The following KASH5 variants were observed in gnomAD, a reference collection of about 807,000 sequenced individuals.
KASH5 encodes protein KASH5.
Under a neutral mutation model 84.2 loss-of-function variants are expected in KASH5, and 72 were observed. The ratio of observed to expected loss-of-function variants is 0.85; its 90% CI spans 0.71 to 1.04. The LOEUF (loss-of-function observed/expected upper bound fraction) is 1.04. Ranked by LOEUF, KASH5 falls within the 50% of genes least tolerant of loss-of-function variation. The pLI is 0.00. For synonymous variants in KASH5, 260 were observed against 279.1 expected (o/e 0.93, Z 0.68); for missense variants, 650 against 701.0 (o/e 0.93, Z 0.82).
In KASH5 at chr19:49,417,208, C is replaced by G; in HGVS notation, c.1489C>G (p.Leu497Val). Residue 497 changes from leucine (L) to valine (V), a missense_variant, in exon 19 of 20, where the codon CTG becomes GTG. Transcript: ENST00000447857. The surrounding 1 kb of genome is among the most constrained non-coding windows in gnomAD (Gnocchi z 5.2). Reference sequence around the variant, plus strand: ...AGCCCTGGTGCCTGTGATGAAAAAGCTGGTCCCAGTCAGGAGGAGGGCCTG... The same window carrying G: ...AGCCCTGGTGCCTGTGATGAAAAAGGTGGTCCCAGTCAGGAGGAGGGCCTG... ...QQALVPVMKKLVPVRRRAWGQ... is the reference protein window; with the variant it reads ...QQALVPVMKKVVPVRRRAWGQ... 6.2e-7 allele frequency: 1 copy of G among 1,613,886 alleles called. No homozygotes were observed. Among genetic ancestry groups the G allele is most frequent in the Non-Finnish European group, 8.5e-7 (1 of 1,179,850 alleles).
rs981684385 is a variant in KASH5 at position 49,409,883 on chromosome 19, C to T, written c.1269+8C>T. ...GCCCCAGCTGGGGGACAGGTGAGCA[C>T]AGGAAAAGCTCTGAAGTCCAGGAGC... On this transcript the variant is annotated splice_region_variant and intron_variant, in intron 15 of 19. Coordinates refer to ENST00000447857, the MANE Select transcript of KASH5 (RefSeq NM_144688.5). 6.2e-7 allele frequency: 1 copy of T among 1,612,958 alleles called. No homozygotes were observed. The highest frequency in any genetic ancestry group is 1.7e-5 in the Admixed American group (1 of 59,970).
intron 5 of KASH5, 100 bp from the exon 6 acceptor site, chr19:49,397,551 G>A (rs1206647678): frequency 8.9e-6 from 9 of 1,016,872 alleles, no homozygotes; most frequent in Non-Finnish European, 1.4e-5. Context: ...CAGAGCACAG[G>A]TGAGGGTGGA....
rs1323772372 is a variant in KASH5 at position 49,406,904 on chromosome 19, G to A, written c.817G>A (p.Glu273Lys). 5 of 1,606,038 alleles carry A rather than the reference G, an allele frequency of 3.1e-6. No homozygotes were observed. In the East Asian group the frequency reaches 6.7e-5, roughly 22 times the overall value. ...CTTCTAGAACGGGAAGCTGCTTGCCGAGCGGGATGGAGTGAAAAAGAGAAG... is the reference window on the plus strand; with the variant it reads ...CTTCTAGAACGGGAAGCTGCTTGCCAAGCGGGATGGAGTGAAAAAGAGAAG... ...LQEENGKLLA[E>K]RDGVKKRSQE... The change falls in exon 10 of 20, where the codon GAG (glutamate) becomes AAG (lysine). Residue 273 changes from glutamate (E) to lysine (K), a missense_variant. Glu to Lys is a moderately conservative substitution (Grantham distance 56). Coordinates refer to ENST00000447857, the MANE Select transcript of KASH5 (RefSeq NM_144688.5).
At position 49,412,865 on chromosome 19, in the gene KASH5, T is replaced by G; in HGVS notation, c.1270-103T>G. 2 of 1,147,210 alleles carry G rather than the reference T, an allele frequency of 1.7e-6. No individual in the cohort carries two copies. Among genetic ancestry groups the G allele is most frequent in the Non-Finnish European group, 2.6e-6 (2 of 779,852 alleles). 71.1% of individuals were successfully genotyped at this position (1,147,210 alleles called of 1,614,324 possible). A position where few individuals can be genotyped will look rare whatever the true frequency, so the allele number is the denominator to read the frequency against. ...GTAGGTTGCAGCCTGGAAGACCTTT[T>G]GTATATGGGGTCTGGGACCGGCGGG... is the stretch of plus-strand genomic sequence containing the variant. On this transcript the variant is annotated intron_variant, in intron 15 of 19. Coordinates refer to ENST00000447857, the MANE Select transcript of KASH5 (RefSeq NM_144688.5). This position sits in a 1 kb window ranked among gnomAD's most constrained non-coding sequence, Gnocchi z 4.6.
chr19:49,403,145 C>T (rs958970985), intron 9 of KASH5, among the ~76,000 whole-genome samples: 2 of 152,168 alleles, frequency 1.3e-5, no homozygotes, highest in African/African-American at 4.8e-5. Context: ...ATCACAAGGT[C>T]AGGAGATCGA....
chr19:49,395,094 GCT>G lies in KASH5; in HGVS notation c.149-9_149-8del, dbSNP rs772498684. On this transcript the variant is annotated splice_polypyrimidine_tract_variant and intron_variant, in intron 3 of 19. Coordinates refer to ENST00000447857, the MANE Select transcript of KASH5 (RefSeq NM_144688.5). This position sits in a 1 kb window ranked among gnomAD's most constrained non-coding sequence, Gnocchi z 4.4. ...CCTGCCCCAGACCCCCTCACTGCATGCTCTGTCACAGGCACTGTGGCTGTGGC... is the reference window on the plus strand; with the variant it reads ...CCTGCCCCAGACCCCCTCACTGCATGCTGTCACAGGCACTGTGGCTGTGGC... 13 of 1,594,528 alleles carry G rather than the reference GCT, an allele frequency of 8.2e-6. No individual in the cohort carries two copies. In the African/African-American group the frequency reaches 1.5e-4, roughly 18 times the overall value.
At chr19:49,402,619 A>C (rs1434505789) in intron 9 of KASH5, among the ~76,000 whole-genome samples, 1 of 152,086 alleles carries the variant, frequency 6.6e-6, no homozygotes, top group Non-Finnish European at 1.5e-5. Context: ...AGGCAGGAGA[A>C]TCACTTGAAC....
chr19:49,404,566 T>G (rs1448547355), intron 9 of KASH5, among the ~76,000 whole-genome samples: 2 of 152,188 alleles, frequency 1.3e-5, no homozygotes, highest in Non-Finnish European at 2.9e-5. Context: ...TGTTACCCGC[T>G]TCTGCATCCA....
chr19:49,406,916 G>C lies in KASH5; in HGVS notation c.829G>C (p.Val277Leu). 2.5e-6 allele frequency: 4 copies of C among 1,605,846 alleles called. No homozygotes were observed. Among genetic ancestry groups the C allele is most frequent in the Non-Finnish European group, 3.4e-6 (4 of 1,176,134 alleles). Residue 277 changes from valine to leucine, a missense_variant, in exon 10 of 20, where the codon GTG becomes CTG. Transcript: ENST00000447857. ...GAAGCTGCTTGCCGAGCGGGATGGA[G>C]TGAAAAAGAGAAGTCAGGAGCTGGC... ...NGKLLAERDG[V>L]KKRSQELAME...
At chr19:49,394,351 C>G in intron 2 of KASH5, 125 bp from the exon 3 acceptor site, 2 of 683,426 alleles carry the variant, frequency 2.9e-6, no homozygotes, top group Admixed American at 2.5e-5. Context: ...CCCACCCGCC[C>G]GAACTCTCAG....
intron 2 of KASH5, among the ~76,000 whole-genome samples, chr19:49,391,361 C>A (rs1973998857): frequency 1.3e-5 from 2 of 152,184 alleles, no homozygotes; most frequent in African/African-American, 4.8e-5. Flanking sequence ...TTTATTCACT[C>A]TGGTATTCCC....
chr19:49,414,546 G>T lies in KASH5; in HGVS notation c.1329-405G>T, dbSNP rs1481899759. ...CAGAAGCCTCAGTTCCCAGCTGGGG[G>T]ATCTGCTGGGGAAGTAGTGGCTGAG... On this transcript the variant is annotated intron_variant, in intron 16 of 19. Coordinates refer to ENST00000447857, the MANE Select transcript of KASH5 (RefSeq NM_144688.5). The surrounding 1 kb of genome is among the most constrained non-coding windows in gnomAD (Gnocchi z 4.5). Among the ~76,000 whole-genome samples, 1 of 152,130 alleles carries T rather than the reference G, an allele frequency of 6.6e-6. No individual in the cohort carries two copies. Among genetic ancestry groups the T allele is most frequent in the Non-Finnish European group, 1.5e-5 (1 of 68,000 alleles).
chr19:49,403,626 G>C (rs1974435748), intron 9 of KASH5, among the ~76,000 whole-genome samples: 1 of 152,228 alleles, frequency 6.6e-6, no homozygotes, highest in Non-Finnish European at 1.5e-5. Context: ...CATCTGCCAA[G>C]ATTTCCACCT....
chr19:49,414,642 A>G lies in KASH5; in HGVS notation c.1329-309A>G, dbSNP rs537757812. 1.0e-3 allele frequency among the ~76,000 whole-genome samples: 159 copies of G among 152,056 alleles called. 1 individual carries two copies. Among genetic ancestry groups the G allele is most frequent in the African/African-American group, 3.2e-3 (131 of 41,414 alleles). On this transcript the variant is annotated intron_variant, in intron 16 of 19. Coordinates refer to ENST00000447857, the MANE Select transcript of KASH5 (RefSeq NM_144688.5). This position sits in a 1 kb window ranked among gnomAD's most constrained non-coding sequence, Gnocchi z 4.5. ...CACAGACCCTTTGGGTAATTTGGTG[A>G]AAATTCCTGTGAAAAATACATATGC...
rs754383549 is a variant in KASH5 at position 49,395,024 on chromosome 19, C to T, written c.149-82C>T. The T allele has an allele frequency of 9.0e-7, 1 of 1,113,852 alleles. No homozygotes were observed. The highest frequency in any genetic ancestry group is 2.6e-5 in the East Asian group (1 of 38,228). 69.0% of individuals were successfully genotyped at this position (1,113,852 alleles called of 1,614,324 possible). On this transcript the variant is annotated intron_variant, in intron 3 of 19. Coordinates refer to ENST00000447857, the MANE Select transcript of KASH5 (RefSeq NM_144688.5). The surrounding 1 kb of genome is among the most constrained non-coding windows in gnomAD (Gnocchi z 4.4). Reference sequence around the variant, plus strand: ...GGAGTGCCACCAGCCTAGCCAGTGACATCCTGGTCCCAAGCTGCTGCCAGT... The same window carrying T: ...GGAGTGCCACCAGCCTAGCCAGTGATATCCTGGTCCCAAGCTGCTGCCAGT...
At chr19:49,397,745 C>T (rs1202342117) in intron 6 of KASH5, 28 bp downstream of exon 6, 1 of 1,610,170 alleles carries the variant, frequency 6.2e-7, no homozygotes, top group Non-Finnish European at 8.5e-7. Context: ...CCTCCCTGAC[C>T]CTCCTGCCCA....
At chr19:49,413,278 G>T (rs562472013) in intron 16 of KASH5, among the ~76,000 whole-genome samples, 30 of 152,280 alleles carry the variant, frequency 2.0e-4, no homozygotes, top group African/African-American at 7.2e-4. Context: ...CCTGAATGGG[G>T]TGAGGGGGGG....
At position 49,417,460 on chromosome 19, in the gene KASH5, C is replaced by A; in HGVS notation, c.1639C>A (p.Pro547Thr). Residue 547 changes from proline (P) to threonine (T), a missense_variant, in exon 20 of 20, where the codon CCC becomes ACC. Pro to Thr is a conservative substitution (Grantham distance 38, BLOSUM62 -1). Coordinates refer to ENST00000447857, the MANE Select transcript of KASH5 (RefSeq NM_144688.5). The surrounding 1 kb of genome is among the most constrained non-coding windows in gnomAD (Gnocchi z 5.2). ...SVLLLGPSPP[P>T]TWPHLQLCYL... ...CCTGCTGCTTGGCCCGTCCCCACCT[C>A]CCACCTGGCCCCACCTCCAGCTCTG... 2 of 1,553,220 alleles carry A rather than the reference C, an allele frequency of 1.3e-6. No homozygotes were observed.
chr19:49,415,935 A>C (rs1358876789), intron 17 of KASH5, among the ~76,000 whole-genome samples: 2 of 152,154 alleles, frequency 1.3e-5, no homozygotes, highest in Non-Finnish European at 2.9e-5. Flanking sequence ...TGGGGGTAGG[A>C]AAGCCAAAGA....
Sources: gnomAD v4.1 joint callset for allele counts (sites outside exome capture counted in the v4.1 genomes callset) on GRCh38, gnomAD v4.1.1 for gene constraint, Gnocchi (gnomAD v3.1) non-coding constraint, MANE v1.5 for transcripts, NCBI Gene and HGNC (gene_info 2026-07-23, HGNC 2026-07-21) for gene names.